ITGAD: variants seen among roughly 807,000 people sequenced by gnomAD.
The protein encoded by ITGAD is integrin subunit alpha D, also known as integrin alpha-D.
In ITGAD, 105 loss-of-function variants were observed where a neutral mutation model predicts 139.0. The ratio of observed to expected loss-of-function variants is 0.76; its 90% CI spans 0.65 to 0.89. The LOEUF is 0.89. ITGAD is among the 40% of genes least tolerant of loss of function. ITGAD has a pLI of 0.00. For synonymous variants in ITGAD, 569 were observed against 598.3 expected, an observed-to-expected ratio of 0.95 and a Z score of 0.71; for missense variants, 1,384 against 1,487.3, an observed-to-expected ratio of 0.93 and a Z score of 1.14.
intron 8 of ITGAD, 46 bp from the exon 9 acceptor site, chr16:31,407,720 T>G: frequency 6.2e-7 from 1 of 1,613,352 alleles, no homozygotes; most frequent in Non-Finnish European, 8.5e-7. Context: ...CTCCTTCAGG[T>G]GCAGTGCTGC....
At chr16:31,413,743 T>C (rs73538318) in intron 16 of ITGAD, among the ~76,000 whole-genome samples, 3,588 of 152,248 alleles carry the variant, frequency 0.024, 135 homozygotes, top group African/African-American at 0.082. Context: ...TAGGCACGCT[T>C]TTCGTAAATG....
In ITGAD at chr16:31,402,793, G is replaced by A. The variant is rs913159293; in HGVS notation, c.558+548G>A. Reference sequence around the variant, plus strand: ...AATTTTTAAAAATTTTTATTGTAGAGATGGGGTCTTGTTATATTGCCCAAC... The same window carrying A: ...AATTTTTAAAAATTTTTATTGTAGAAATGGGGTCTTGTTATATTGCCCAAC... On this transcript the variant is annotated intron_variant, in intron 6 of 29. Coordinates refer to ENST00000389202, the MANE Select transcript of ITGAD (RefSeq NM_005353.3). 3.9e-5 allele frequency: 6 copies of A among 152,290 alleles called. No homozygotes were observed. The South Asian group carries it at 1.0e-3, about 26-fold the overall frequency. The allele number at this position is 152,290 out of a possible 1,614,324, so 9.4% of individuals were successfully genotyped here.
chr16:31,416,023 A>G (rs1567347009), intron 18 of ITGAD, among the ~76,000 whole-genome samples, 190 bp from the exon 19 acceptor site: 1 of 151,690 alleles, frequency 6.6e-6, no homozygotes, highest in Non-Finnish European at 1.5e-5. Flanking sequence ...TGTCCCTTGA[A>G]GCCAAGGATC....
chr16:31,413,028 C>T, intron 15 of ITGAD, 60 bp downstream of exon 15: 1 of 1,605,738 alleles, frequency 6.2e-7, no homozygotes, highest in Middle Eastern at 1.7e-4. Context: ...GTGCTGCCTC[C>T]CCAGCCACGT....
rs950441741 is a variant in ITGAD at position 31,394,294 on chromosome 16, G to A, written c.90G>A (p.Glu30=). Residue 30 remains glutamate (E), a synonymous_variant, in exon 2 of 30, where the codon GAG becomes GAA. Coordinates refer to ENST00000389202, the MANE Select transcript of ITGAD (RefSeq NM_005353.3). ...LDVEEPTIFQ[E]DAGGFGQSVV... is the part of the protein sequence containing the mutation. ...TGGAGGAGCCTACGATCTTCCAGGA[G>A]GATGCAGGCGGCTTTGGGCAGAGCG... 1.9e-6 allele frequency: 3 copies of A among 1,613,948 alleles called. No homozygotes were observed. The highest frequency in any genetic ancestry group is 1.7e-5 in the Admixed American group (1 of 60,018).
chr16:31,416,641 G>A lies in ITGAD; in HGVS notation c.2494G>A (p.Ala832Thr), dbSNP rs771016356. The change falls in exon 20 of 30, where the codon GCC becomes ACC. Residue 832 changes from alanine to threonine, a missense_variant. Transcript: ENST00000389202. ...AGLSHRRVSG[A>T]QKQPHQSALR... is the part of the protein sequence containing the mutation. ...GCTGTCGCACCGACGGGTGTCAGGA[G>A]CCCAGGTAACAACTGCTGTAGGCTC... 1.6e-5 allele frequency: 25 copies of A among 1,607,446 alleles called. No homozygotes were observed. Among genetic ancestry groups the A allele is most frequent in the Middle Eastern group, 1.7e-4 (1 of 6,056 alleles).
Position 31,403,672 on chromosome 16 carries a change from G to T in ITGAD, c.704+27G>T. The T allele has an allele frequency of 6.2e-7, 1 of 1,613,496 alleles. No individual in the cohort carries two copies. On this transcript the variant is annotated intron_variant, in intron 7 of 29. Transcript: ENST00000389202. The surrounding 1 kb of genome is among the most constrained non-coding windows in gnomAD (Gnocchi z 4.4). ...TAAGCAACCCCGACCCCAGCCTGGC[G>T]ATGTGACTGCCACCCCCACTTCCTA...
At position 31,410,510 on chromosome 16, in the gene ITGAD, G is replaced by A. The variant is rs559725740; in HGVS notation, c.1199G>A (p.Arg400Lys). 6.2e-7 allele frequency: 1 copy of A among 1,613,868 alleles called. No homozygotes were observed. The highest frequency in any genetic ancestry group is 1.1e-5 in the South Asian group (1 of 91,058). ...ATGTCTCAGGAGAATGTGGACATGA[G>A]GGACTCTTACCTGGGTGAGAAACGG... ...INMSQENVDM[R>K]DSYLGYSTEL... Residue 400 changes from arginine to lysine, a missense_variant, in exon 11 of 30, where the codon AGG becomes AAG. Transcript: ENST00000389202.
At chr16:31,416,745 G>A (rs1030403868) in intron 20 of ITGAD, 99 bp downstream of exon 20, 47 of 1,216,452 alleles carry the variant, frequency 3.9e-5, no homozygotes, top group South Asian at 1.4e-4. Flanking sequence ...GTGATGATAT[G>A]TGCTCTCTCT....
At chr16:31,399,075 C>T (rs1263728095) in intron 5 of ITGAD, among the ~76,000 whole-genome samples, 3 of 152,162 alleles carry the variant, frequency 2.0e-5, no homozygotes, top group Non-Finnish European at 2.9e-5. Context: ...CCCATGTCTT[C>T]CACAGAGAAC....
intron 16 of ITGAD, among the ~76,000 whole-genome samples, chr16:31,413,814 C>T (rs1480110544): frequency 1.3e-5 from 2 of 152,206 alleles, no homozygotes; most frequent in Non-Finnish European, 2.9e-5. Flanking sequence ...GATGTTCTCC[C>T]CACTCCTCAC....
rs965118723 is a variant in ITGAD at position 31,423,604 on chromosome 16, C to T, written c.3001C>T (p.Gln1001Ter). 1.2e-6 allele frequency: 2 copies of T among 1,614,036 alleles called. No homozygotes were observed. The highest frequency in any genetic ancestry group is 1.7e-6 in the Non-Finnish European group (2 of 1,180,034). The change falls in exon 26 of 30, where the codon CAG (glutamine) becomes TAG (stop). Residue 1001 changes from glutamine (Q) to a stop codon, truncating the protein, a stop_gained. Transcript: ENST00000389202. LOFTEE classifies it high-confidence loss of function. The part of the protein sequence containing the change: ...LPCVSERKPP[Q>*]HSDFLTQISR... ...CTGTGTTTCAGAGAGAAAACCTCCC[C>T]AGCATTCTGACTTCCTGACCCAGAT... is the stretch of plus-strand genomic sequence containing the variant.
intron 7 of ITGAD, among the ~76,000 whole-genome samples, chr16:31,405,707 A>G (rs2081522608): frequency 7.0e-6 from 1 of 142,096 alleles, no homozygotes; most frequent in African/African-American, 2.7e-5. Flanking sequence ...CGGTGGCACG[A>G]TCACGGCTCA....
At position 31,403,252 on chromosome 16, in the gene ITGAD, T is replaced by C. The variant is rs2081450498; in HGVS notation, c.559-248T>C. 1.2e-5 allele frequency: 5 copies of C among 415,140 alleles called. No individual in the cohort carries two copies. The highest frequency in any genetic ancestry group is 6.0e-5 in the South Asian group (2 of 33,388). The allele number at this position is 415,140 out of a possible 1,614,324, so 25.7% of individuals were successfully genotyped here. Reference sequence around the variant, plus strand: ...ACTTTGGGAGGCTGAGGTGGGAGTATTGCTTGAGGCCAAGAGTTCGAGACC... The same window carrying C: ...ACTTTGGGAGGCTGAGGTGGGAGTACTGCTTGAGGCCAAGAGTTCGAGACC... On this transcript the variant is annotated intron_variant, in intron 6 of 29. Coordinates refer to ENST00000389202, the MANE Select transcript of ITGAD (RefSeq NM_005353.3). This position sits in a 1 kb window ranked among gnomAD's most constrained non-coding sequence, Gnocchi z 4.4.
intron 23 of ITGAD, among the ~76,000 whole-genome samples, chr16:31,420,939 T>C (rs954061205): frequency 5.3e-5 from 8 of 152,148 alleles, no homozygotes; most frequent in South Asian, 2.1e-4. Flanking sequence ...AGCAGTGTCA[T>C]TGTCCTTTCA....
chr16:31,413,349 A>C, intron 16 of ITGAD, 103 bp downstream of exon 16: 1 of 1,228,470 alleles, frequency 8.1e-7, no homozygotes, highest in Non-Finnish European at 1.1e-6. Flanking sequence ...TTACCTCCAC[A>C]TTCACTCACC....
At chr16:31,393,745 C>T (rs2081194865) in intron 1 of ITGAD, among the ~76,000 whole-genome samples, 1 of 152,086 alleles carries the variant, frequency 6.6e-6, no homozygotes, top group South Asian at 2.1e-4. Flanking sequence ...TGGACATCAC[C>T]TCCCTGGGCC....
chr16:31,408,561 G>A, intron 10 of ITGAD, 63 bp downstream of exon 10: 2 of 1,461,666 alleles, frequency 1.4e-6, no homozygotes, highest in Non-Finnish European at 1.9e-6. Context: ...ACCCTGGGCT[G>A]GGGGCTGGGA....
chr16:31,397,924 G>T lies in ITGAD; in HGVS notation c.427+15G>T. 6.3e-7 allele frequency: 1 copy of T among 1,586,042 alleles called. No individual in the cohort carries two copies. The highest frequency in any genetic ancestry group is 8.6e-7 in the Non-Finnish European group (1 of 1,158,918). On this transcript the variant is annotated intron_variant, in intron 5 of 29. Transcript: ENST00000389202. ...CGCCACGCCAGGTAGGTCCCTGGCA[G>T]GCCATGGTTCCCTGTGGAGCACATG...
Sources: allele counts gnomAD v4.1 joint callset (sites outside exome capture counted in the v4.1 genomes callset), GRCh38; gene constraint gnomAD v4.1.1; non-coding constraint Gnocchi (gnomAD v3.1); transcripts MANE v1.5; gene names NCBI Gene and HGNC (gene_info 2026-07-23, HGNC 2026-07-21).